IQGAP3: variants seen among roughly 807,000 people sequenced by gnomAD.
IQGAP3 encodes the protein IQ motif containing GTPase activating protein 3.
In IQGAP3, 165 loss-of-function variants were observed where a neutral mutation model predicts 208.2. That is an observed-to-expected ratio of 0.79 (90% CI 0.70 to 0.90). IQGAP3 has a LOEUF of 0.90. Ranked by LOEUF, IQGAP3 falls within the 40% of genes least tolerant of loss-of-function variation. The pLI is 0.00. For synonymous variants in IQGAP3, 703 were observed against 803.6 expected, an observed-to-expected ratio of 0.87 and a Z score of 2.12; for missense variants, 1,811 against 2,043.1, an observed-to-expected ratio of 0.89 and a Z score of 2.19.
intron 31 of IQGAP3, 110 bp from the exon 32 acceptor site, chr1:156,533,216 A>T: frequency 2.2e-6 from 3 of 1,386,438 alleles, no homozygotes; most frequent in African/African-American, 1.4e-5. Flanking sequence ...CAGCTGCTCC[A>T]CATGCCCCTC....
intron 22 of IQGAP3, among the ~76,000 whole-genome samples, chr1:156,543,298 G>A (rs1203088395): frequency 1.3e-5 from 2 of 152,210 alleles, no homozygotes; most frequent in Admixed American, 1.3e-4. Context: ...CAGGGGCGAA[G>A]AAGGACTGAG....
At chr1:156,556,731 C>T in intron 11 of IQGAP3, 38 bp from the exon 12 acceptor site, 2 of 1,473,872 alleles carry the variant, frequency 1.4e-6, no homozygotes, top group Non-Finnish European at 9.0e-7. Context: ...ACTGGCCGGG[C>T]ATTCAGTGGC....
At chr1:156,550,710 G>T (rs773919032) in intron 15 of IQGAP3, among the ~76,000 whole-genome samples, 30 of 152,242 alleles carry the variant, frequency 2.0e-4, no homozygotes, top group Non-Finnish European at 4.0e-4. Flanking sequence ...AGCCTACGCT[G>T]GAGGCTCCAA....
chr1:156,566,401 G>C lies in IQGAP3; in HGVS notation c.271C>G (p.Leu91Val). The C allele has an allele frequency of 6.2e-7, 1 of 1,614,162 alleles. No homozygotes were observed. Among genetic ancestry groups the C allele is most frequent in the Non-Finnish European group, 8.5e-7 (1 of 1,180,020 alleles). ...PLKKIYDVEQ[L>V]RYQATGLHFR... ...TCCAATCCTCCCACCTGGTACCGCAGCTGCTCCACATCGTAGATCTTCTTC... is the reference window on the plus strand; with the variant it reads ...TCCAATCCTCCCACCTGGTACCGCACCTGCTCCACATCGTAGATCTTCTTC... Residue 91 changes from leucine (L) to valine (V), a missense_variant, in exon 3 of 38, where the codon CTG becomes GTG. Leu to Val is a conservative substitution (Grantham distance 32, BLOSUM62 1). Coordinates refer to ENST00000361170, the MANE Select transcript of IQGAP3 (RefSeq NM_178229.5).
chr1:156,527,127 G>A (rs570516845), intron 37 of IQGAP3, among the ~76,000 whole-genome samples: 102 of 150,986 alleles, frequency 6.8e-4, no homozygotes, highest in African/African-American at 1.1e-3. Flanking sequence ...CACTGCACCC[G>A]GCCAAAATCA....
Position 156,556,773 on chromosome 1 carries a change from C to T in IQGAP3, c.1130-80G>A, listed in dbSNP as rs114628977. ...ACTCTCCTCACCAACTAGGCTCCGC[C>T]GGGGGATCTTGGTGGGGAAATGGCT... On this transcript the variant is annotated intron_variant, in intron 11 of 37. Transcript: ENST00000361170. 3.9e-4 allele frequency: 508 copies of T among 1,298,312 alleles called. 2 individuals are homozygous for T. The African/African-American group carries it at 7.0e-3, about 18-fold the overall frequency. The allele number at this position is 1,298,312 out of a possible 1,614,324, so 80.4% of individuals were successfully genotyped here. A position where few individuals can be genotyped will look rare whatever the true frequency, so the allele number is the denominator to read the frequency against.
intron 23 of IQGAP3, 82 bp from the exon 24 acceptor site, chr1:156,540,072 G>A: frequency 6.7e-7 from 1 of 1,502,348 alleles, no homozygotes; most frequent in Non-Finnish European, 9.2e-7. Flanking sequence ...TCAGTGCCTT[G>A]AAGAGCCAGG....
At chr1:156,549,198 C>T (rs760337892) in intron 16 of IQGAP3, among the ~76,000 whole-genome samples, 3 of 152,034 alleles carry the variant, frequency 2.0e-5, no homozygotes, top group South Asian at 2.1e-4. Flanking sequence ...CTGTGGCTCA[C>T]GCCTGTAATC....
intron 36 of IQGAP3, 145 bp downstream of exon 36, chr1:156,528,364 C>T (rs1674209942): frequency 1.5e-6 from 1 of 654,090 alleles, no homozygotes; most frequent in Non-Finnish European, 2.7e-6. Context: ...TCTGTCTGGG[C>T]ATGCTCTGTC....
Position 156,533,079 on chromosome 1 carries a change from G to T in IQGAP3, c.4004C>A (p.Thr1335Lys). Reference sequence around the variant, plus strand: ...GGACACTTCTAGCTTGCTCAGGTCCGTGTGCCCATCTGCAGCGATGCTCTC... The same window carrying T: ...GGACACTTCTAGCTTGCTCAGGTCCTTGTGCCCATCTGCAGCGATGCTCTC... The part of the protein sequence containing the change: ...IGESIAADGH[T>K]DLSKLEVSLT... Residue 1335 changes from threonine to lysine, a missense_variant, in exon 32 of 38, where the codon ACG becomes AAG. Physicochemically the swap from Thr to Lys is moderately conservative, Grantham distance 78. Coordinates refer to ENST00000361170, the MANE Select transcript of IQGAP3 (RefSeq NM_178229.5). 1 of 1,613,982 alleles carries T rather than the reference G, an allele frequency of 6.2e-7. No individual in the cohort carries two copies. The highest frequency in any genetic ancestry group is 8.5e-7 in the Non-Finnish European group (1 of 1,179,950).
intron 12 of IQGAP3, among the ~76,000 whole-genome samples, chr1:156,554,902 C>A (rs978099951): frequency 5.3e-5 from 8 of 152,110 alleles, no homozygotes; most frequent in African/African-American, 1.7e-4. Context: ...ACTAAAAATA[C>A]AAAAATTAGC....
intron 10 of IQGAP3, among the ~76,000 whole-genome samples, 185 bp downstream of exon 10, chr1:156,561,652 TG>T (rs1240176438): frequency 6.6e-6 from 1 of 152,186 alleles, no homozygotes; most frequent in Non-Finnish European, 1.5e-5. Context: ...TTGGTCAGCC[TG>T]GGGGACTCTC....
intron 11 of IQGAP3, among the ~76,000 whole-genome samples, chr1:156,560,158 G>A (rs1008984452): frequency 6.6e-6 from 1 of 152,182 alleles, no homozygotes. Flanking sequence ...CTTCATACTT[G>A]CAGTGCAGAT....
Position 156,560,917 on chromosome 1 carries a change from AC to A in IQGAP3, c.1129+16del, listed in dbSNP as rs1296871011. The stretch of plus-strand genomic sequence containing the variant: ...GAGATACGCACAGAGCAGGCCTCAG[AC>A]CTGCAGATGACTTACTGGCTTGTTC... On this transcript the variant is annotated intron_variant, in intron 11 of 37. Coordinates refer to ENST00000361170, the MANE Select transcript of IQGAP3 (RefSeq NM_178229.5). 6.4e-7 allele frequency: 1 copy of A among 1,563,450 alleles called. No individual in the cohort carries two copies. The highest frequency in any genetic ancestry group is 8.8e-7 in the Non-Finnish European group (1 of 1,134,100).
At chr1:156,550,895 T>C (rs1675516914) in intron 15 of IQGAP3, among the ~76,000 whole-genome samples, 1 of 152,164 alleles carries the variant, frequency 6.6e-6, no homozygotes, top group African/African-American at 2.4e-5. Context: ...TGCCACACTG[T>C]CAGACTGATA....
chr1:156,564,608 C>T lies in IQGAP3; in HGVS notation c.437+7G>A, dbSNP rs953266275. ...GAACCTGGATGATAAAATTTGAGGT[C>T]TCTCACCTGAGAGCATGGATGCAGT... On this transcript the variant is annotated splice_region_variant and intron_variant, in intron 5 of 37. Transcript: ENST00000361170. 1.8e-5 allele frequency: 29 copies of T among 1,601,044 alleles called. No homozygotes were observed. Among genetic ancestry groups the T allele is most frequent in the Non-Finnish European group, 2.5e-5 (29 of 1,168,100 alleles).
intron 37 of IQGAP3, among the ~76,000 whole-genome samples, chr1:156,527,110 C>A (rs911930437): frequency 6.6e-6 from 1 of 151,368 alleles, no homozygotes. Flanking sequence ...GGATTACAGG[C>A]GTGAGCCACT....
intron 13 of IQGAP3, 75 bp from the exon 14 acceptor site, chr1:156,552,170 C>T (rs986513507): frequency 8.5e-5 from 132 of 1,551,786 alleles, no homozygotes; most frequent in Non-Finnish European, 1.1e-4. Flanking sequence ...AACAGTTGAA[C>T]GATTTTCTTC....
intron 28 of IQGAP3, 74 bp from the exon 29 acceptor site, chr1:156,534,807 G>A (rs1674614464): frequency 1.7e-6 from 2 of 1,192,232 alleles, no homozygotes; most frequent in African/African-American, 3.1e-5. Flanking sequence ...TTCTCAGCTT[G>A]CTTGGCTGGA....
Sources: gnomAD v4.1 joint callset for allele counts (sites outside exome capture counted in the v4.1 genomes callset) on GRCh38, gnomAD v4.1.1 for gene constraint, MANE v1.5 for transcripts, NCBI Gene and HGNC (gene_info 2026-07-23, HGNC 2026-07-21) for gene names.